Variants in MAGI1 observed in about 807,000 individuals in gnomAD.
MAGI1 encodes membrane associated guanylate kinase, WW and PDZ domain containing 1, also known as membrane-associated guanylate kinase, WW and PDZ domain-containing protein 1.
Under a neutral mutation model 139.9 loss-of-function variants are expected in MAGI1, and 58 were observed. The ratio of observed to expected loss-of-function variants is 0.41; its 90% CI spans 0.34 to 0.52. The LOEUF is 0.52. MAGI1 is among the 20% of genes least tolerant of loss of function. The pLI is 0.12. For missense variants in MAGI1, 1,874 were observed against 1,901.6 expected (o/e 0.99, Z 0.27); for synonymous variants, 812 against 737.9 (o/e 1.10, Z -1.63).
chr3:65,874,914 T>C (rs927641093), intron 1 of MAGI1: 3 of 152,590 alleles, frequency 2.0e-5, no homozygotes, highest in African/African-American at 7.2e-5. Context: ...GGAACATTAT[T>C]TAGCCATTAA....
At chr3:65,937,437 T>G (rs1050119102) in intron 1 of MAGI1, among the ~76,000 whole-genome samples, 2 of 151,962 alleles carry the variant, frequency 1.3e-5, no homozygotes, top group Non-Finnish European at 2.9e-5. Flanking sequence ...AGAAGTCAGG[T>G]TTTTCCTGGA....
chr3:65,429,115 A>T (rs1470007239), intron 12 of MAGI1, among the ~76,000 whole-genome samples: 6 of 151,914 alleles, frequency 3.9e-5, no homozygotes. Flanking sequence ...AAAGGTTATT[A>T]TTTTTTATAT....
chr3:65,613,753 T>C (rs986316831), intron 2 of MAGI1, among the ~76,000 whole-genome samples: 4 of 152,134 alleles, frequency 2.6e-5, no homozygotes, highest in Non-Finnish European at 4.4e-5. Flanking sequence ...CAATTATTAA[T>C]CTTCACTATA....
In MAGI1 at chr3:65,362,840, G is replaced by T. The variant is rs1327166974; in HGVS notation, c.3495+625C>A. 2.6e-5 allele frequency among the ~76,000 whole-genome samples: 4 copies of T among 152,252 alleles called. No individual in the cohort carries two copies. The South Asian group carries it at 6.2e-4, about 24-fold the overall frequency. Reference sequence around the variant, plus strand: ...TTATGTTTTCTTAATCATCTAATCTGCCCAGGAGAACAGCACATTCATCTA... The same window carrying T: ...TTATGTTTTCTTAATCATCTAATCTTCCCAGGAGAACAGCACATTCATCTA... On this transcript the variant is annotated intron_variant, in intron 21 of 22. Transcript: ENST00000402939.
chr3:65,452,135 GCAACCAAGATA>G (rs1949069550), intron 6 of MAGI1, among the ~76,000 whole-genome samples: 3 of 13,278 alleles, frequency 2.3e-4, no homozygotes, highest in Non-Finnish European at 3.7e-4. Flanking sequence ...ATAAAACAAA[GCAACCAAGATA>G]AAACAAACAT....
chr3:65,793,489 A>T (rs2039921498), intron 1 of MAGI1, among the ~76,000 whole-genome samples: 1 of 152,246 alleles, frequency 6.6e-6, no homozygotes, highest in Admixed American at 6.5e-5. Context: ...TACTGAGAAG[A>T]AAAGCAATAT....
At position 65,509,834 on chromosome 3, in the gene MAGI1, C is replaced by T. The variant is rs559493653; in HGVS notation, c.431-16203G>A. ...AAGGAGGCCTGCCTGCCTCTGTAGG[C>T]TCCACCTCTGGGGGCAGGGCACAGA... On this transcript the variant is annotated intron_variant, in intron 2 of 22. Transcript: ENST00000402939. Among the ~76,000 whole-genome samples, 539 of 152,206 alleles carry T rather than the reference C, an allele frequency of 3.5e-3. 2 individuals are homozygous for T. The highest frequency in any genetic ancestry group is 0.012 in the African/African-American group (516 of 41,552).
At chr3:65,791,235 T>G (rs1232293295) in intron 1 of MAGI1, among the ~76,000 whole-genome samples, 1 of 152,132 alleles carries the variant, frequency 6.6e-6, no homozygotes, top group Non-Finnish European at 1.5e-5. Flanking sequence ...CCAGCCTGCG[T>G]GGGAAGAACA....
chr3:65,991,764 C>T (rs967698959), intron 1 of MAGI1, among the ~76,000 whole-genome samples: 1 of 152,132 alleles, frequency 6.6e-6, no homozygotes, highest in African/African-American at 2.4e-5. Context: ...ATTGTAATCC[C>T]AGCACTTTGA....
At chr3:65,627,485 C>CTTTTTTTTTTTTTTTTT (rs779588733) in intron 1 of MAGI1, among the ~76,000 whole-genome samples, 3 of 28,354 alleles carry the variant, frequency 1.1e-4, no homozygotes, top group African/African-American at 3.5e-4. Flanking sequence ...ATTTCTGTAT[C>CTTTTTTTTTTTTTTTTT]TTTTTTTTTT....
chr3:65,525,231 A>G (rs2078330195), intron 2 of MAGI1, among the ~76,000 whole-genome samples: 2 of 152,098 alleles, frequency 1.3e-5, no homozygotes, highest in East Asian at 1.9e-4. Flanking sequence ...CCACCTCTCT[A>G]TGGACAGACA....
At chr3:65,904,431 T>G (rs967542034) in intron 1 of MAGI1, among the ~76,000 whole-genome samples, 1 of 152,198 alleles carries the variant, frequency 6.6e-6, no homozygotes, top group African/African-American at 2.4e-5. Context: ...CTCCAGTGAA[T>G]GGCCACTGCC....
chr3:65,478,587 T>G lies in MAGI1; in HGVS notation c.757+5A>C, dbSNP rs762272373. 1 of 1,613,484 alleles carries G rather than the reference T, an allele frequency of 6.2e-7. No homozygotes were observed. The highest frequency in any genetic ancestry group is 8.5e-7 in the Non-Finnish European group (1 of 1,179,568). On this transcript the variant is annotated splice_donor_5th_base_variant and intron_variant, in intron 4 of 22. Transcript: ENST00000402939. ...CCATTGAGGGCAACATGATCTGACC[T>G]TTACCTGTAAAGCTGCTGTTCATTT... is the stretch of plus-strand genomic sequence containing the variant.
At chr3:65,899,789 T>G (rs2061143283) in intron 1 of MAGI1, among the ~76,000 whole-genome samples, 2 of 152,182 alleles carry the variant, frequency 1.3e-5, no homozygotes, top group Non-Finnish European at 2.9e-5. Context: ...GAATGGGACT[T>G]TCAAAGGGGG....
intron 19 of MAGI1, 59 bp downstream of exon 19, chr3:65,364,794 A>G (rs1941250333): frequency 1.9e-6 from 3 of 1,606,788 alleles, no homozygotes; most frequent in Non-Finnish European, 2.6e-6. Context: ...AAGGACATAT[A>G]TTGTCATGCT....
rs1553691954 is a variant in MAGI1 at position 65,690,773 on chromosome 3, C to CTCCCA, written c.314-68686_314-68685insTGGGA. 4.0e-5 allele frequency among the ~76,000 whole-genome samples: 6 copies of CTCCCA among 150,848 alleles called. No homozygotes were observed. In the South Asian group the frequency reaches 6.3e-4, roughly 16 times the overall value. On this transcript the variant is annotated intron_variant, in intron 1 of 22. Coordinates refer to ENST00000402939, the MANE Select transcript of MAGI1 (RefSeq NM_001033057.2). ...CCTCCCAATGTGCTGGGATTACAGGCATGAGCCACCACATCCAGCCTAGAT... is the reference window on the plus strand; with the variant it reads ...CCTCCCAATGTGCTGGGATTACAGGCTCCCAATGAGCCACCACATCCAGCCTAGAT...
intron 1 of MAGI1, among the ~76,000 whole-genome samples, chr3:65,847,105 A>T (rs1039478581): frequency 3.9e-4 from 60 of 152,096 alleles, no homozygotes; most frequent in African/African-American, 1.4e-3. Flanking sequence ...TAATGAAATG[A>T]CTGTGCAAAA....
chr3:65,412,076 A>G (rs1169884681), intron 12 of MAGI1, among the ~76,000 whole-genome samples: 2 of 152,098 alleles, frequency 1.3e-5, no homozygotes, highest in Non-Finnish European at 2.9e-5. Flanking sequence ...TCCCAAAACC[A>G]TTTCAATTAA....
At chr3:65,803,227 T>G (rs79573108) in intron 1 of MAGI1, among the ~76,000 whole-genome samples, 4,271 of 152,270 alleles carry the variant, frequency 0.028, 86 homozygotes, top group Middle Eastern at 0.041. Context: ...TTAGGAATCC[T>G]GCGATATTAT....
Sources: gnomAD v4.1 joint callset for allele counts (sites outside exome capture counted in the v4.1 genomes callset) on GRCh38, gnomAD v4.1.1 for gene constraint, MANE v1.5 for transcripts, NCBI Gene and HGNC (gene_info 2026-07-23, HGNC 2026-07-21) for gene names.